TBC1D8B: variants seen among roughly 807,000 people sequenced by gnomAD.
TBC1D8B encodes RP11-321G1.1.
In TBC1D8B, 75 loss-of-function variants were observed where a neutral mutation model predicts 82.9. The ratio of observed to expected loss-of-function variants is 0.90; its 90% CI spans 0.75 to 1.10. TBC1D8B has a LOEUF of 1.10. TBC1D8B is among the 50% of genes least tolerant of loss of function. TBC1D8B has a pLI of 0.00. For synonymous variants in TBC1D8B, 276 were observed against 276.8 expected, an observed-to-expected ratio of 1.00 and a Z score of 0.03; for missense variants, 794 against 796.9, an observed-to-expected ratio of 1.00 and a Z score of 0.04.
In TBC1D8B at chrX:106,847,243, C is replaced by A. The variant is rs1483884082; in HGVS notation, c.1720-943C>A. Among the ~76,000 whole-genome samples, 4 of 111,117 alleles carry A rather than the reference C, an allele frequency of 3.6e-5. No individual in the cohort carries two copies. The Admixed American group carries it at 3.8e-4, about 11-fold the overall frequency. On this transcript the variant is annotated intron_variant, in intron 10 of 20. Coordinates refer to ENST00000357242, the MANE Select transcript of TBC1D8B (RefSeq NM_017752.3). ...AATGGTTAAATAATTTATATTAGATCCACCTTAGATTTTTTTAGTCATTAA... is the reference window on the plus strand; with the variant it reads ...AATGGTTAAATAATTTATATTAGATACACCTTAGATTTTTTTAGTCATTAA...
chrX:106,818,602 G>A (rs1417261431), intron 1 of TBC1D8B, 61 bp from the exon 2 acceptor site: 9 of 841,109 alleles, frequency 1.1e-5, no homozygotes, highest in Admixed American at 2.8e-5. Context: ...TATATGAAGT[G>A]ATACAGATTT....
intron 7 of TBC1D8B, among the ~76,000 whole-genome samples, chrX:106,838,834 G>T (rs1264328970): frequency 9.0e-6 from 1 of 111,410 alleles, no homozygotes; most frequent in Non-Finnish European, 1.9e-5. Flanking sequence ...TTGCAAGTTT[G>T]GTCAAATATT....
intron 6 of TBC1D8B, 89 bp from the exon 7 acceptor site, chrX:106,827,081 G>T: frequency 4.7e-6 from 5 of 1,056,746 alleles, no homozygotes; most frequent in Non-Finnish European, 6.4e-6. Context: ...AAAACTTTTG[G>T]CCACAAAAGA....
chrX:106,869,920 G>A (rs1237767130), intron 19 of TBC1D8B, among the ~76,000 whole-genome samples: 2 of 111,176 alleles, frequency 1.8e-5, no homozygotes, highest in African/African-American at 6.5e-5. Flanking sequence ...TTTCCTTTTT[G>A]GATTTTGCAG....
In TBC1D8B at chrX:106,818,764, A is replaced by G; in HGVS notation, c.232A>G (p.Ile78Val). The G allele has an allele frequency of 2.5e-6, 3 of 1,192,340 alleles. No individual in the cohort carries two copies. The highest frequency in any genetic ancestry group is 3.0e-5 in the East Asian group (1 of 33,654). ...ACCAGATTCTCAAGTTTACTTGTCAATTGCATGTGGTGAGTATGATTTTTA... is the reference window on the plus strand; with the variant it reads ...ACCAGATTCTCAAGTTTACTTGTCAGTTGCATGTGGTGAGTATGATTTTTA... ...QTPDSQVYLS[I>V]ACGANREEIT... Residue 78 changes from isoleucine to valine, a missense_variant, in exon 2 of 21, where the codon ATT becomes GTT. Transcript: ENST00000357242.
rs756083514 is a variant in TBC1D8B at position 106,823,270 on chromosome X, A to C, written c.631A>C (p.Thr211Pro). The change falls in exon 5 of 21, where the codon ACT becomes CCT. Residue 211 changes from threonine to proline, a missense_variant. Thr to Pro is a conservative substitution (Grantham distance 38). Coordinates refer to ENST00000357242, the MANE Select transcript of TBC1D8B (RefSeq NM_017752.3). Reference sequence around the variant, plus strand: ...GGATGAAGTCTCAAAACTTGAAAAGACTTCAAATGTCATACTGACAGAGAG... The same window carrying C: ...GGATGAAGTCTCAAAACTTGAAAAGCCTTCAAATGTCATACTGACAGAGAG... ...SWDEVSKLEKTSNVILTESIH... is the reference protein window; with the variant it reads ...SWDEVSKLEKPSNVILTESIH... The C allele has an allele frequency of 8.3e-7, 1 of 1,208,898 alleles. No individual in the cohort carries two copies. Among genetic ancestry groups the C allele is most frequent in the Non-Finnish European group, 1.1e-6 (1 of 893,500 alleles).
intron 1 of TBC1D8B, among the ~76,000 whole-genome samples, chrX:106,811,082 G>T (rs1232568770): frequency 1.8e-5 from 2 of 111,977 alleles, no homozygotes. Context: ...CTCCTATAAG[G>T]CTGCCCTTTC....
In TBC1D8B at chrX:106,820,972, A is replaced by G. The variant is rs1267588400; in HGVS notation, c.337A>G (p.Asn113Asp). Residue 113 changes from asparagine (N) to aspartate (D), a missense_variant, in exon 3 of 21, where the codon AAT (asparagine) becomes GAT (aspartate). Transcript: ENST00000357242. Reference protein sequence around the residue: ...SVFDSNEDITNFVQGKIRGLI... With the variant: ...SVFDSNEDITDFVQGKIRGLI... ...ATTTGATTCAAATGAAGATATTACT[A>G]ATTTTGTACAAGGAAAAATAAGAGT... 1 of 1,148,281 alleles carries G rather than the reference A, an allele frequency of 8.7e-7. No individual in the cohort carries two copies. Among genetic ancestry groups the G allele is most frequent in the Admixed American group, 2.5e-5 (1 of 40,275 alleles). The allele number at this position is 1,148,281 out of a possible 1,213,427, so 94.6% of individuals were successfully genotyped here. A position where few individuals can be genotyped will look rare whatever the true frequency, so the allele number is the denominator to read the frequency against.
chrX:106,834,046 A>G (rs1358090957), intron 7 of TBC1D8B, among the ~76,000 whole-genome samples: 1 of 110,833 alleles, frequency 9.0e-6, no homozygotes, highest in African/African-American at 3.3e-5. Context: ...GGCTTCTTCT[A>G]CCTTACCCTT....
chrX:106,836,520 A>G lies in TBC1D8B; in HGVS notation c.1204-2788A>G, dbSNP rs772121088. On this transcript the variant is annotated intron_variant, in intron 7 of 20. Transcript: ENST00000357242. Reference sequence around the variant, plus strand: ...TCTGCCTCAGTCATGGGCATTCTTTATCTTACTTAAGCTACTAAGGTTTAC... The same window carrying G: ...TCTGCCTCAGTCATGGGCATTCTTTGTCTTACTTAAGCTACTAAGGTTTAC... Among the ~76,000 whole-genome samples, 4 of 110,581 alleles carry G rather than the reference A, an allele frequency of 3.6e-5. No homozygotes were observed. In the East Asian group the frequency reaches 8.5e-4, roughly 23 times the overall value.
Position 106,814,731 on chromosome X carries a change from C to T in TBC1D8B, c.131-3932C>T, listed in dbSNP as rs370971384. 1.7e-4 allele frequency: 19 copies of T among 111,378 alleles called. No individual in the cohort carries two copies. In the South Asian group the frequency reaches 1.9e-3, roughly 11 times the overall value. The allele number at this position is 111,378 out of a possible 1,213,427, so 9.2% of individuals were successfully genotyped here. A position where few individuals can be genotyped will look rare whatever the true frequency, so the allele number is the denominator to read the frequency against. On this transcript the variant is annotated intron_variant, in intron 1 of 20. Coordinates refer to ENST00000357242, the MANE Select transcript of TBC1D8B (RefSeq NM_017752.3). ...TGTTGTTTCCTGACTTTTTAATGATCGCCATTCTAACTGGTGTGAGATGGC... is the reference window on the plus strand; with the variant it reads ...TGTTGTTTCCTGACTTTTTAATGATTGCCATTCTAACTGGTGTGAGATGGC...
intron 14 of TBC1D8B, among the ~76,000 whole-genome samples, chrX:106,855,393 A>G (rs1257227575): frequency 8.9e-6 from 1 of 112,528 alleles, no homozygotes. Flanking sequence ...AACCATCTTA[A>G]AATAATTTGG....
rs968226439 is a variant in TBC1D8B at position 106,875,510 on chromosome X, A to G, written c.*1545A>G. On this transcript the variant is annotated 3_prime_UTR_variant, in exon 21 of 21. Transcript: ENST00000357242. ...TACTAGTAGTGTCTTTAAATTATTTAATCAACCTTGTCTTTTCAAGGAAAT... is the reference window on the plus strand; with the variant it reads ...TACTAGTAGTGTCTTTAAATTATTTGATCAACCTTGTCTTTTCAAGGAAAT... 3 of 112,573 alleles carry G rather than the reference A, an allele frequency of 2.7e-5. No individual in the cohort carries two copies. The highest frequency in any genetic ancestry group is 5.6e-5 in the Non-Finnish European group (3 of 53,321). 9.3% of individuals were successfully genotyped at this position (112,573 alleles called of 1,213,427 possible). A position where few individuals can be genotyped will look rare whatever the true frequency, so the allele number is the denominator to read the frequency against.
At chrX:106,817,108 C>G (rs1410524347) in intron 1 of TBC1D8B, among the ~76,000 whole-genome samples, 2 of 111,590 alleles carry the variant, frequency 1.8e-5, no homozygotes, top group Non-Finnish European at 3.8e-5. Context: ...AACCAACACT[C>G]AACCAATCAG....
chrX:106,868,044 T>C (rs1028610778), intron 17 of TBC1D8B, among the ~76,000 whole-genome samples: 1 of 110,676 alleles, frequency 9.0e-6, no homozygotes, highest in African/African-American at 3.3e-5. Flanking sequence ...TGAGGATGTT[T>C]TTTAAATGGC....
At position 106,874,159 on chromosome X, in the gene TBC1D8B, A is replaced by G. The variant is rs961430711; in HGVS notation, c.*194A>G. ...TGTTAGCACTTTTTAAAACAAACAA[A>G]CAAACAAAACAAAAAAGCAAACCAC... On this transcript the variant is annotated 3_prime_UTR_variant, in exon 21 of 21. Transcript: ENST00000357242. The G allele has an allele frequency of 1.8e-5, 6 of 331,830 alleles. No homozygotes were observed. The highest frequency in any genetic ancestry group is 1.6e-4 in the African/African-American group (6 of 37,214). 27.3% of individuals were successfully genotyped at this position (331,830 alleles called of 1,213,427 possible).
At chrX:106,853,709 G>A in intron 13 of TBC1D8B, 59 bp downstream of exon 13, 1 of 1,048,383 alleles carries the variant, frequency 9.5e-7, no homozygotes, top group Non-Finnish European at 1.3e-6. Flanking sequence ...TTGAACTATG[G>A]TCTATCTCTA....
intron 5 of TBC1D8B, 51 bp from the exon 6 acceptor site, chrX:106,825,979 T>G (rs747171590): frequency 1.2e-5 from 13 of 1,102,578 alleles, no homozygotes; most frequent in African/African-American, 1.8e-5. Context: ...TACCTTAGAA[T>G]TCATTTCTAA....
At chrX:106,810,794 A>T (rs1175739407) in intron 1 of TBC1D8B, among the ~76,000 whole-genome samples, 1 of 111,718 alleles carries the variant, frequency 9.0e-6, no homozygotes, top group Non-Finnish European at 1.9e-5. Context: ...TCCCTGGAAC[A>T]TCTTGGTCCC....
Sources: gnomAD v4.1 joint callset for allele counts (sites outside exome capture counted in the v4.1 genomes callset) on GRCh38, gnomAD v4.1.1 for gene constraint, MANE v1.5 for transcripts, NCBI Gene and HGNC (gene_info 2026-07-23, HGNC 2026-07-21) for gene names.